Variants in FOXP4 observed in about 807,000 individuals in gnomAD.
FOXP4 encodes the protein forkhead box P4.
A neutral mutation model predicts 82.6 loss-of-function variants in FOXP4; 25 were observed. The observed-to-expected ratio is 0.30, with a 90% confidence interval of 0.22 to 0.42. FOXP4 has a LOEUF of 0.42. FOXP4 is among the 10% of genes least tolerant of loss of function. The probability of loss-of-function intolerance (pLI) is 1.00; values close to 1 mark genes in which losing one functional copy is unlikely to be tolerated. For missense variants in FOXP4, 785 were observed against 900.9 expected, an observed-to-expected ratio of 0.87 and a Z score of 1.65; for synonymous variants, 415 against 388.2, an observed-to-expected ratio of 1.07 and a Z score of -0.81.
rs1765258291 is a variant in FOXP4, at chr6:41,572,485, AAATT to A, written c.205-5497_205-5494del. On this transcript the variant is annotated intron_variant, in intron 2 of 16. Coordinates refer to ENST00000307972, the MANE Select transcript of FOXP4 (RefSeq NM_001012426.2). ...CTTAATAACCACTCATTAAATTGTTAAATTAATAGTCATGCTGTGGTTCTGGAGG... is the reference window on the plus strand; with the variant it reads ...CTTAATAACCACTCATTAAATTGTTAAATAGTCATGCTGTGGTTCTGGAGG... 3.3e-5 allele frequency among the ~76,000 whole-genome samples: 5 copies of A among 152,252 alleles called. No homozygotes were observed. The South Asian group carries it at 1.0e-3, about 32-fold the overall frequency.
intron 1 of FOXP4, among the ~76,000 whole-genome samples, chr6:41,565,397 G>T (rs1262764534): frequency 6.6e-6 from 1 of 152,042 alleles, no homozygotes; most frequent in South Asian, 2.1e-4. Flanking sequence ...ACCTAAAATA[G>T]CCCTTCTTCA....
intron 14 of FOXP4, 36 bp from the exon 15 acceptor site, chr6:41,597,140 A>C (rs1473228410): frequency 6.2e-7 from 1 of 1,607,108 alleles, no homozygotes; most frequent in East Asian, 2.2e-5. Context: ...AGCTAAGTGA[A>C]TGAGTGAGCC....
chr6:41,598,501 A>G (rs1017493758), intron 16 of FOXP4, among the ~76,000 whole-genome samples: 1 of 152,064 alleles, frequency 6.6e-6, no homozygotes, highest in African/African-American at 2.4e-5. Context: ...TACATGTGTG[A>G]GCCACCTCGC....
intron 1 of FOXP4, among the ~76,000 whole-genome samples, chr6:41,564,240 G>C (rs1445125516): frequency 6.6e-6 from 1 of 152,124 alleles, no homozygotes; most frequent in Non-Finnish European, 1.5e-5. Flanking sequence ...GATCAGTTGA[G>C]GCCAGGAGTT....
intron 1 of FOXP4, among the ~76,000 whole-genome samples, chr6:41,554,677 T>C (rs1327576662): frequency 2.0e-5 from 3 of 151,938 alleles, no homozygotes; most frequent in Non-Finnish European, 4.4e-5. Context: ...CTGGCCAACA[T>C]GGCGAAACCC....
chr6:41,587,426 T>A lies in FOXP4; in HGVS notation c.786T>A (p.Phe262Leu), dbSNP rs1766207363. The A allele has an allele frequency of 6.3e-7, 1 of 1,578,684 alleles. No individual in the cohort carries two copies. The highest frequency in any genetic ancestry group is 8.6e-7 in the Non-Finnish European group (1 of 1,162,006). ...LTGTAATATSFAAPPKVSPPL... is the reference protein window; with the variant it reads ...LTGTAATATSLAAPPKVSPPL... ...GCACGGCCGCCACCGCTACCTCGTT[T>A]GCCGCTCCCCCCAAGGTCTCACCCC... Residue 262 changes from phenylalanine (F) to leucine (L), a missense_variant, in exon 7 of 17, where the codon TTT becomes TTA. By Grantham distance (22) the Phe-to-Leu change is conservative. Coordinates refer to ENST00000307972, the MANE Select transcript of FOXP4 (RefSeq NM_001012426.2).
chr6:41,587,037 A>G lies in FOXP4; in HGVS notation c.539A>G (p.Gln180Arg), dbSNP rs1291667981. ...EALGNKQLAF[Q>R]QQLLQMQQLQ... ...CTGGGGAACAAGCAGCTGGCCTTCC[A>G]GCAGCAGCTCCTGCAAATGCAACAG... The change falls in exon 6 of 17, where the codon CAG becomes CGG. Residue 180 changes from glutamine to arginine, a missense_variant. By Grantham distance (43) the Gln-to-Arg change is conservative. This residue lies in a region of FOXP4 where 570 missense variants were observed against 634.0 expected (regional missense o/e 0.90). Transcript: ENST00000307972. The G allele has an allele frequency of 1.3e-6, 2 of 1,599,610 alleles. No individual in the cohort carries two copies. The highest frequency in any genetic ancestry group is 1.7e-6 in the Non-Finnish European group (2 of 1,169,632).
At chr6:41,567,403 C>T (rs1047041871) in intron 2 of FOXP4, among the ~76,000 whole-genome samples, 2 of 152,246 alleles carry the variant, frequency 1.3e-5, no homozygotes, top group Non-Finnish European at 2.9e-5. Flanking sequence ...TTGCTGGCAT[C>T]TCCCAAGCCT....
intron 1 of FOXP4, among the ~76,000 whole-genome samples, chr6:41,562,676 A>G (rs563122334): frequency 2.7e-4 from 41 of 152,276 alleles, no homozygotes; most frequent in Non-Finnish European, 5.1e-4. Flanking sequence ...CTTTGCATGC[A>G]TACACCCCTG....
chr6:41,602,112 T>G lies in FOXP4; in HGVS notation c.*3176T>G, dbSNP rs993044251. The G allele has an allele frequency of 6.6e-6, 1 of 152,382 alleles. No individual in the cohort carries two copies. The highest frequency in any genetic ancestry group is 1.5e-5 in the Non-Finnish European group (1 of 68,144). The allele number at this position is 152,382 out of a possible 1,614,324, so 9.4% of individuals were successfully genotyped here. On this transcript the variant is annotated 3_prime_UTR_variant, in exon 17 of 17. Transcript: ENST00000307972. ...CTCACCTTCATCCACTCTGCAGGCC[T>G]GCTCCACCACAGCCCTAATCCTCTG...
intron 2 of FOXP4, among the ~76,000 whole-genome samples, chr6:41,568,653 G>T (rs866517429): frequency 2.4e-4 from 36 of 152,306 alleles, no homozygotes; most frequent in Middle Eastern, 3.4e-3. Context: ...GTAGGAGAGG[G>T]TCTGTGGACC....
rs747265802 is a variant in FOXP4, at chr6:41,590,009, C to T, written c.1196C>T (p.Ser399Phe). ...TCCTCATTCTCCAAGGTGACCGTCT[C>T]TGCAGCAGACTCATTCCCAGATGGT... ...GSSSFSKVTVSAADSFPDGLV... is the reference protein window; with the variant it reads ...GSSSFSKVTVFAADSFPDGLV... The change falls in exon 11 of 17, where the codon TCT becomes TTT. Residue 399 changes from serine (S) to phenylalanine (F), a missense_variant. Physicochemically the swap from Ser to Phe is radical, Grantham distance 155. Around this residue, in one of 3 missense-constraint regions of FOXP4, gnomAD observed 570 missense variants for 634.0 expected, o/e 0.90. Transcript: ENST00000307972. 1 of 1,614,016 alleles carries T rather than the reference C, an allele frequency of 6.2e-7. No individual in the cohort carries two copies. The highest frequency in any genetic ancestry group is 8.5e-7 in the Non-Finnish European group (1 of 1,179,988).
chr6:41,595,572 T>G (rs1334882086), intron 14 of FOXP4, among the ~76,000 whole-genome samples: 1 of 152,072 alleles, frequency 6.6e-6, no homozygotes, highest in Non-Finnish European at 1.5e-5. Context: ...ATTTACTTAT[T>G]TATTTATTAT....
At chr6:41,555,198 G>A (rs1367175925) in intron 1 of FOXP4, among the ~76,000 whole-genome samples, 3 of 150,414 alleles carry the variant, frequency 2.0e-5, no homozygotes, top group East Asian at 3.9e-4. Flanking sequence ...TGAGTGAGCC[G>A]AGATCGCGCT....
intron 2 of FOXP4, among the ~76,000 whole-genome samples, chr6:41,569,965 AT>A (rs912493499): frequency 2.0e-5 from 3 of 151,400 alleles, no homozygotes; most frequent in Non-Finnish European, 4.4e-5. Flanking sequence ...AATGGGAGAG[AT>A]TTTTCTTTCC....
rs1216684906 is a variant in FOXP4 at position 41,601,196 on chromosome 6, T to C, written c.*2260T>C. The stretch of plus-strand genomic sequence containing the variant: ...CACACCCACGTGGCACACTGTGTGG[T>C]GACCATGGTCATCATAGTGGGCTCA... On this transcript the variant is annotated 3_prime_UTR_variant, in exon 17 of 17. Coordinates refer to ENST00000307972, the MANE Select transcript of FOXP4 (RefSeq NM_001012426.2). 5 of 152,316 alleles carry C rather than the reference T, an allele frequency of 3.3e-5. No homozygotes were observed. The highest frequency in any genetic ancestry group is 7.3e-5 in the Non-Finnish European group (5 of 68,118). The allele number at this position is 152,316 out of a possible 1,614,324, so 9.4% of individuals were successfully genotyped here. A position where few individuals can be genotyped will look rare whatever the true frequency, so the allele number is the denominator to read the frequency against.
At chr6:41,563,913 T>C (rs546092948) in intron 1 of FOXP4, among the ~76,000 whole-genome samples, 71 of 152,278 alleles carry the variant, frequency 4.7e-4, no homozygotes, top group African/African-American at 1.6e-3. Flanking sequence ...ACTGGGAGGC[T>C]TGAGCATCTG....
intron 1 of FOXP4, among the ~76,000 whole-genome samples, chr6:41,555,261 A>C (rs1764212491): frequency 6.6e-6 from 1 of 152,088 alleles, no homozygotes; most frequent in African/African-American, 2.4e-5. Context: ...AAAAAAAAAA[A>C]GAACTGATGG....
At chr6:41,592,063 C>T (rs984613508) in intron 13 of FOXP4, among the ~76,000 whole-genome samples, 4 of 149,144 alleles carry the variant, frequency 2.7e-5, no homozygotes, top group South Asian at 2.2e-4. Context: ...GTGGGCGGGG[C>T]GGGGGGAAGA....
Sources: gnomAD v4.1 joint callset for allele counts (sites outside exome capture counted in the v4.1 genomes callset) on GRCh38, gnomAD v4.1.1 for gene constraint, gnomAD v4.1.1 regional missense constraint, MANE v1.5 for transcripts, NCBI Gene and HGNC (gene_info 2026-07-23, HGNC 2026-07-21) for gene names.